POLQ: variants seen among roughly 807,000 people sequenced by gnomAD.
POLQ encodes the protein DNA polymerase theta.
A neutral mutation model predicts 259.2 loss-of-function variants in POLQ; 233 were observed. The observed-to-expected ratio is 0.90, with a 90% CI of 0.81 to 1.00. The LOEUF (loss-of-function observed/expected upper bound fraction) is 1.00, where lower values mean the gene tolerates loss of function less well. Ranked by LOEUF, POLQ falls within the 50% of genes least tolerant of loss-of-function variation. POLQ has a pLI of 0.00. For synonymous variants in POLQ, 1,025 were observed against 1,048.8 expected (o/e 0.98, Z 0.44); for missense variants, 2,871 against 3,051.6 (o/e 0.94, Z 1.39).
intron 25 of POLQ, among the ~76,000 whole-genome samples, chr3:121,454,393 A>C (rs546977296): frequency 1.7e-4 from 26 of 152,356 alleles, no homozygotes; most frequent in African/African-American, 6.0e-4. Flanking sequence ...TATTAACTTT[A>C]AATGTAAATG....
At chr3:121,438,898 C>A (rs1003163072) in intron 27 of POLQ, among the ~76,000 whole-genome samples, 6 of 152,146 alleles carry the variant, frequency 3.9e-5, no homozygotes, top group Non-Finnish European at 5.9e-5. Flanking sequence ...GCCAACTATT[C>A]TTCCACAGTC....
chr3:121,432,189 G>C lies in POLQ; in HGVS notation c.*115C>G. The C allele has an allele frequency of 5.3e-6, 5 of 948,946 alleles. No homozygotes were observed. Among genetic ancestry groups the C allele is most frequent in the Non-Finnish European group, 3.0e-6 (2 of 663,304 alleles). The allele number at this position is 948,946 out of a possible 1,614,324, so 58.8% of individuals were successfully genotyped here. On this transcript the variant is annotated 3_prime_UTR_variant, in exon 30 of 30. Transcript: ENST00000264233. ...TCTCACTATAAAATTACTAGGCTAA[G>C]TCTATCAAGACTTGAAAGTTTGTTT...
Position 121,544,708 on chromosome 3 carries a change from T to A in POLQ, c.343+19A>T, listed in dbSNP as rs1240618383. On this transcript the variant is annotated intron_variant, in intron 2 of 29. Coordinates refer to ENST00000264233, the MANE Select transcript of POLQ (RefSeq NM_199420.4). ...TTCATATCTTAAAAATAGTAATTAG[T>A]TTACATAAATTTGGATACCTGAATA... is the stretch of plus-strand genomic sequence containing the variant. 1 of 1,507,878 alleles carries A rather than the reference T, an allele frequency of 6.6e-7. No individual in the cohort carries two copies. The allele number at this position is 1,507,878 out of a possible 1,614,324, so 93.4% of individuals were successfully genotyped here. A position where few individuals can be genotyped will look rare whatever the true frequency, so the allele number is the denominator to read the frequency against.
intron 5 of POLQ, among the ~76,000 whole-genome samples, chr3:121,536,721 T>TGCAGCCTGGAACTCTTGG (rs1288628615): frequency 6.6e-6 from 1 of 152,158 alleles, no homozygotes; most frequent in Non-Finnish European, 1.5e-5. Context: ...CATACCTCAT[T>TGCAGCCTGGAACTCTTGG]GCAGCCTGGA....
At chr3:121,483,236 T>A (rs536387278) in intron 18 of POLQ, 150 bp downstream of exon 18, 11 of 449,072 alleles carry the variant, frequency 2.4e-5, no homozygotes, top group African/African-American at 1.8e-4. Context: ...TGATATTCTA[T>A]TCTGGGTAGA....
intron 9 of POLQ, among the ~76,000 whole-genome samples, chr3:121,518,811 A>G (rs2048316377): frequency 6.6e-6 from 1 of 152,108 alleles, no homozygotes; most frequent in East Asian, 1.9e-4. Context: ...GTCCTACAGT[A>G]GAAAGATGAC....
intron 12 of POLQ, among the ~76,000 whole-genome samples, chr3:121,500,943 G>T (rs2048162383): frequency 6.6e-6 from 1 of 151,490 alleles, no homozygotes; most frequent in African/African-American, 2.4e-5. Context: ...ACTGCTCAAA[G>T]AAAAAAAAAT....
chr3:121,484,142 G>C (rs1055710486), intron 17 of POLQ, among the ~76,000 whole-genome samples: 4 of 152,030 alleles, frequency 2.6e-5, no homozygotes, highest in African/African-American at 9.7e-5. Flanking sequence ...CAAAACAACT[G>C]AAAATATTTC....
intron 25 of POLQ, among the ~76,000 whole-genome samples, chr3:121,453,018 G>T (rs1304506003): frequency 1.3e-5 from 2 of 152,188 alleles, no homozygotes; most frequent in Non-Finnish European, 2.9e-5. Flanking sequence ...ACCTCACACG[G>T]CTGGGTACTC....
chr3:121,542,876 A>G lies in POLQ; in HGVS notation c.344-1397T>C, dbSNP rs2048500451. On this transcript the variant is annotated intron_variant, in intron 2 of 29. Coordinates refer to ENST00000264233, the MANE Select transcript of POLQ (RefSeq NM_199420.4). ...CGGGCGCCTGTATGTAATTCCAGCT[A>G]CTCCGGAGGCTGAGGCAGGAGAATC... Among the ~76,000 whole-genome samples, 2 of 151,474 alleles carry G rather than the reference A, an allele frequency of 1.3e-5. 1 individual carries two copies. Among genetic ancestry groups the G allele is most frequent in the South Asian group, 4.2e-4 (2 of 4,802 alleles).
intron 17 of POLQ, 50 bp downstream of exon 17, chr3:121,484,991 T>C: frequency 7.5e-7 from 1 of 1,335,832 alleles, no homozygotes. Flanking sequence ...ACTACCCTAA[T>C]GGATGTTACA....
At chr3:121,525,954 C>A (rs745967921) in intron 7 of POLQ, among the ~76,000 whole-genome samples, 32 of 151,984 alleles carry the variant, frequency 2.1e-4, no homozygotes, top group Non-Finnish European at 4.0e-4. Context: ...CCTTTTTTTG[C>A]CATTTTCACA....
intron 12 of POLQ, among the ~76,000 whole-genome samples, chr3:121,500,897 T>G (rs764305337): frequency 2.0e-5 from 3 of 152,162 alleles, no homozygotes; most frequent in African/African-American, 7.2e-5. Flanking sequence ...GCCAGTGAGA[T>G]GACATATTCT....
At chr3:121,456,762 T>C (rs1576403478) in intron 25 of POLQ, among the ~76,000 whole-genome samples, 1 of 152,178 alleles carries the variant, frequency 6.6e-6, no homozygotes, top group Non-Finnish European at 1.5e-5. Flanking sequence ...GAACATTCCA[T>C]GCTCATAGGT....
intron 19 of POLQ, among the ~76,000 whole-genome samples, chr3:121,479,259 C>A (rs1336398668): frequency 1.3e-5 from 2 of 151,488 alleles, no homozygotes; most frequent in East Asian, 3.9e-4. Context: ...CACCTGTAAT[C>A]CCAGCACTTT....
At chr3:121,492,411 A>AAC (rs1220485382) in intron 15 of POLQ, among the ~76,000 whole-genome samples, 4 of 152,210 alleles carry the variant, frequency 2.6e-5, no homozygotes, top group African/African-American at 7.2e-5. Flanking sequence ...ATTCAGACAT[A>AAC]CACACAAAAA....
At chr3:121,492,085 T>C (rs532096428) in intron 15 of POLQ, among the ~76,000 whole-genome samples, 124 of 149,496 alleles carry the variant, frequency 8.3e-4, no homozygotes, top group Non-Finnish European at 1.5e-3. Context: ...GCAAGAGATA[T>C]GCAAGAGCAA....
At chr3:121,525,729 C>T (rs576794872) in intron 7 of POLQ, among the ~76,000 whole-genome samples, 1 of 152,288 alleles carries the variant, frequency 6.6e-6, no homozygotes, top group South Asian at 2.1e-4. Flanking sequence ...CTAATGTCAA[C>T]TTGTTTTATG....
chr3:121,496,953 G>T, intron 13 of POLQ, 21 bp from the exon 14 acceptor site: 1 of 1,610,510 alleles, frequency 6.2e-7, no homozygotes, highest in South Asian at 1.1e-5. Flanking sequence ...ATCATCAAAA[G>T]CGTGGTAAGA....
Sources: gnomAD v4.1 joint callset for allele counts (sites outside exome capture counted in the v4.1 genomes callset) on GRCh38, gnomAD v4.1.1 for gene constraint, MANE v1.5 for transcripts, NCBI Gene and HGNC (gene_info 2026-07-23, HGNC 2026-07-21) for gene names.